AVEN: variants seen among roughly 807,000 people sequenced by gnomAD.
The protein encoded by AVEN is apoptosis and caspase activation inhibitor.
Under a neutral mutation model 38.1 loss-of-function variants are expected in AVEN, and 41 were observed. That is an observed-to-expected ratio of 1.08 (90% CI 0.84 to 1.40). The LOEUF is 1.40. Ranked by LOEUF, AVEN falls within the 40% of genes most tolerant of loss-of-function variation. The probability of loss-of-function intolerance (pLI) is 0.00; values close to 1 mark genes in which losing one functional copy is unlikely to be tolerated. For synonymous variants in AVEN, 206 were observed against 171.8 expected, an observed-to-expected ratio of 1.20 and a Z score of -1.56; for missense variants, 605 against 438.8, an observed-to-expected ratio of 1.38 and a Z score of -3.38.
upstream of AVEN, among the ~76,000 whole-genome samples, chr15:34,043,869 A>G (rs948811605): frequency 1.3e-5 from 2 of 152,142 alleles, no homozygotes; most frequent in East Asian, 1.9e-4. Context: ...GCCTACTTGT[A>G]TCTGTACCTA....
At chr15:33,984,745 C>T (rs1896347902) in intron 2 of AVEN, among the ~76,000 whole-genome samples, 1 of 152,080 alleles carries the variant, frequency 6.6e-6, no homozygotes, top group Admixed American at 6.5e-5. Flanking sequence ...CATTGAAGAA[C>T]AAACATCTTC....
At chr15:33,853,481 C>G in the AVEN span, 2 of 1,545,940 alleles carry the variant, frequency 1.3e-6, no homozygotes, top group Non-Finnish European at 8.7e-7. Flanking sequence ...CAGCAAAGCT[C>G]TGAAGACCCC....
chr15:33,973,051 A>C (rs1481787673), intron 2 of AVEN, among the ~76,000 whole-genome samples: 1 of 152,230 alleles, frequency 6.6e-6, no homozygotes, highest in Admixed American at 6.5e-5. Context: ...GCAGTTGTTT[A>C]AAGATCTGAC....
At chr15:33,907,542 C>A (rs373505855) in intron 2 of AVEN, among the ~76,000 whole-genome samples, 2 of 152,148 alleles carry the variant, frequency 1.3e-5, no homozygotes, top group African/African-American at 4.8e-5. Flanking sequence ...GGAAATGTAG[C>A]CATATTTCAG....
chr15:33,890,172 T>G (rs1891878669), intron 2 of AVEN, among the ~76,000 whole-genome samples: 1 of 152,236 alleles, frequency 6.6e-6, no homozygotes, highest in South Asian at 2.1e-4. Flanking sequence ...ACATTATATG[T>G]TCAGTAGTCT....
intron 2 of AVEN, among the ~76,000 whole-genome samples, chr15:33,910,120 C>T (rs912995604): frequency 8.3e-5 from 11 of 132,946 alleles, no homozygotes; most frequent in South Asian, 5.2e-4. Context: ...GGTGACAGAG[C>T]GAGACTCCAT....
At chr15:33,950,576 A>G (rs1032527441) in intron 2 of AVEN, among the ~76,000 whole-genome samples, 15 of 152,024 alleles carry the variant, frequency 9.9e-5, no homozygotes, top group Admixed American at 8.5e-4. Context: ...AAGCCAAAGC[A>G]AGATCTTGAA....
intron 2 of AVEN, among the ~76,000 whole-genome samples, chr15:33,973,577 G>T (rs1356852206): frequency 6.6e-6 from 1 of 151,910 alleles, no homozygotes; most frequent in African/African-American, 2.4e-5. Flanking sequence ...ATGGCCAAGC[G>T]CAACCTGTAA....
chr15:34,000,403 T>G lies in AVEN; in HGVS notation c.445+2629A>C, dbSNP rs141662076. On this transcript the variant is annotated intron_variant, in intron 2 of 5. Coordinates refer to ENST00000306730, the MANE Select transcript of AVEN (RefSeq NM_020371.3). ...CTACACTAGATACCATTCAATCAAC[T>G]GGTCACAATTTAAAAGTCCAACAGT... 4.9e-3 allele frequency among the ~76,000 whole-genome samples: 741 copies of G among 152,296 alleles called. 3 individuals are homozygous for G. Among genetic ancestry groups the G allele is most frequent in the African/African-American group, 0.016 (665 of 41,546 alleles).
At chr15:33,900,222 G>C (rs1892432673) in intron 2 of AVEN, among the ~76,000 whole-genome samples, 2 of 151,806 alleles carry the variant, frequency 1.3e-5, no homozygotes, top group South Asian at 4.2e-4. Context: ...CTCCCACAAA[G>C]CCACATTATG....
chr15:33,886,694 C>T (rs551350258), intron 2 of AVEN, among the ~76,000 whole-genome samples: 3 of 152,150 alleles, frequency 2.0e-5, no homozygotes, highest in East Asian at 1.9e-4. Flanking sequence ...CTGAGGCTTC[C>T]GCAGCTCTGC....
the AVEN span, among the ~76,000 whole-genome samples, chr15:33,853,366 A>C: frequency 6.0e-5 from 9 of 150,588 alleles, no homozygotes; most frequent in Admixed American, 5.2e-4. Context: ...AGCTTAAAAA[A>C]CAGTTATCAT....
At chr15:33,870,275 G>A (rs922742908) in intron 4 of AVEN, among the ~76,000 whole-genome samples, 2 of 152,080 alleles carry the variant, frequency 1.3e-5, no homozygotes, top group African/African-American at 4.8e-5. Flanking sequence ...CACCTGCTCT[G>A]TGCATGTGTA....
At chr15:33,955,903 A>G (rs921458529) in intron 2 of AVEN, among the ~76,000 whole-genome samples, 3 of 152,236 alleles carry the variant, frequency 2.0e-5, no homozygotes, top group African/African-American at 7.2e-5. Context: ...TCATGTATTC[A>G]GCATCTTCAT....
downstream of AVEN, chr15:33,854,717 C>T (rs1254160856): frequency 1.2e-5 from 18 of 1,557,876 alleles, no homozygotes; most frequent in Non-Finnish European, 1.5e-5. Flanking sequence ...TTATAATGAG[C>T]ACACTATGAG....
intron 2 of AVEN, among the ~76,000 whole-genome samples, chr15:33,916,049 A>T (rs1893124084): frequency 6.6e-6 from 1 of 152,032 alleles, no homozygotes; most frequent in African/African-American, 2.4e-5. Flanking sequence ...GAGCTCAGAC[A>T]CGCCCAACCC....
intron 1 of AVEN, among the ~76,000 whole-genome samples, chr15:34,031,929 T>G (rs1898857239): frequency 6.6e-6 from 1 of 152,098 alleles, no homozygotes; most frequent in South Asian, 2.1e-4. Flanking sequence ...TAGAAAATTT[T>G]CAGACTAACA....
chr15:34,018,202 A>C (rs1165816785), intron 1 of AVEN: 1 of 152,232 alleles, frequency 6.6e-6, no homozygotes, highest in Non-Finnish European at 1.5e-5. Context: ...AGCTCCATGC[A>C]TTTTGCTGAC....
intron 11 of AVEN, chr15:33,859,654 C>T: frequency 1.2e-6 from 2 of 1,613,956 alleles, no homozygotes; most frequent in Non-Finnish European, 1.7e-6. Flanking sequence ...GCTGGTGATC[C>T]TTATGAAATG....
Sources: gnomAD v4.1 joint callset for allele counts (sites outside exome capture counted in the v4.1 genomes callset) on GRCh38, gnomAD v4.1.1 for gene constraint, MANE v1.5 for transcripts, NCBI Gene and HGNC (gene_info 2026-07-23, HGNC 2026-07-21) for gene names.